PEBP4: variants seen among roughly 807,000 people sequenced by gnomAD.
The protein encoded by PEBP4 is phosphatidylethanolamine binding protein 4.
In PEBP4, 22 loss-of-function variants were observed where a neutral mutation model predicts 23.9. The observed-to-expected ratio is 0.92, with a 90% CI of 0.66 to 1.31. PEBP4 has a LOEUF of 1.31. PEBP4 is among the 40% of genes most tolerant of loss of function. The pLI, the probability that PEBP4 is intolerant of heterozygous loss-of-function variation, is 0.00. For missense variants in PEBP4, 324 were observed against 281.7 expected (o/e 1.15, Z -1.07); for synonymous variants, 112 against 99.3 (o/e 1.13, Z -0.76).
chr8:22,881,885 A>G (rs183247298), intron 3 of PEBP4, among the ~76,000 whole-genome samples: 157 of 152,354 alleles, frequency 1.0e-3, no homozygotes, highest in South Asian at 3.3e-3. Flanking sequence ...CAGCAGTAAA[A>G]TGGTGCTGAG....
At chr8:22,881,918 T>C (rs1011460018) in intron 3 of PEBP4, among the ~76,000 whole-genome samples, 2 of 152,216 alleles carry the variant, frequency 1.3e-5, no homozygotes, top group Admixed American at 6.5e-5. Context: ...GTCCTCAGGC[T>C]GTTGTAAGAA....
At chr8:22,794,457 G>A (rs896924898) in intron 4 of PEBP4, among the ~76,000 whole-genome samples, 2 of 152,110 alleles carry the variant, frequency 1.3e-5, no homozygotes, top group Non-Finnish European at 2.9e-5. Flanking sequence ...GCTAATTTTT[G>A]TATTTTTAGT....
chr8:22,925,693 T>G (rs531568235), intron 2 of PEBP4, among the ~76,000 whole-genome samples: 45 of 152,272 alleles, frequency 3.0e-4, no homozygotes, highest in African/African-American at 1.0e-3. Context: ...CCAATGACCC[T>G]ACAGACATCC....
At chr8:22,875,966 G>A (rs1007937796) in intron 3 of PEBP4, among the ~76,000 whole-genome samples, 2 of 152,220 alleles carry the variant, frequency 1.3e-5, no homozygotes, top group Admixed American at 1.3e-4. Context: ...CTGAAGTGCA[G>A]TAGTGTGATC....
chr8:22,800,985 A>G (rs1392570063), intron 4 of PEBP4, among the ~76,000 whole-genome samples: 2 of 151,574 alleles, frequency 1.3e-5, no homozygotes, highest in Non-Finnish European at 2.9e-5. Flanking sequence ...GGCCCCACCC[A>G]ACTCTGCCAC....
In PEBP4 at chr8:22,713,383, A is replaced by G. The variant is rs1435757793; in HGVS notation, c.671T>C (p.Ile224Thr). Residue 224 changes from isoleucine to threonine, a missense_variant, in exon 7 of 7, where the codon ATA becomes ACA. Transcript: ENST00000256404. The stretch of plus-strand genomic sequence containing the variant: ...AAAGCCGGCTATCTAGCAGGCAGCT[A>G]TCTCCGCCTGGTTTTTGTGCTTGGG... ...SEPKHKNQAEIAAC is the reference protein window; with the variant it reads ...SEPKHKNQAETAAC 6.3e-7 allele frequency: 1 copy of G among 1,585,420 alleles called. No individual in the cohort carries two copies. Among genetic ancestry groups the G allele is most frequent in the East Asian group, 2.3e-5 (1 of 44,256 alleles).
intron 4 of PEBP4, among the ~76,000 whole-genome samples, chr8:22,812,418 T>C (rs73553871): frequency 0.053 from 8,136 of 152,272 alleles, 649 homozygotes; most frequent in African/African-American, 0.17. Flanking sequence ...CACATACAAG[T>C]CTGGTTAATA....
chr8:22,905,643 T>C (rs2457420), intron 3 of PEBP4, among the ~76,000 whole-genome samples: 147,138 of 152,270 alleles, frequency 0.97, 71,307 homozygotes, highest in East Asian at 1. Flanking sequence ...GACTGACCTT[T>C]ACTTCTCTAG....
chr8:22,836,781 C>T (rs1421227669), intron 3 of PEBP4, among the ~76,000 whole-genome samples: 1 of 152,124 alleles, frequency 6.6e-6, no homozygotes, highest in South Asian at 2.1e-4. Flanking sequence ...AAAGCTTCAT[C>T]CGCAGCCAAG....
chr8:22,885,643 C>G (rs1206580099), intron 3 of PEBP4: 3 of 152,268 alleles, frequency 2.0e-5, no homozygotes, highest in Non-Finnish European at 4.4e-5. Flanking sequence ...ACACAAGAGA[C>G]AGTCTGTGGA....
intron 3 of PEBP4, among the ~76,000 whole-genome samples, chr8:22,919,858 C>T (rs1563261622): frequency 6.6e-6 from 1 of 152,220 alleles, no homozygotes; most frequent in African/African-American, 2.4e-5. Context: ...CTCCAAAGCA[C>T]ACACCAGCTG....
chr8:22,870,567 CTAATG>C (rs928539523), intron 3 of PEBP4, among the ~76,000 whole-genome samples: 15 of 152,178 alleles, frequency 9.9e-5, no homozygotes, highest in African/African-American at 3.6e-4. Flanking sequence ...AGAGCGTAAC[CTAATG>C]TAAAGTATGG....
chr8:22,775,117 T>A lies in PEBP4; in HGVS notation c.357+42520A>T, dbSNP rs1805789497. Among the ~76,000 whole-genome samples, 1 of 152,208 alleles carries A rather than the reference T, an allele frequency of 6.6e-6. No individual in the cohort carries two copies. Among genetic ancestry groups the A allele is most frequent in the South Asian group, 2.1e-4 (1 of 4,830 alleles). On this transcript the variant is annotated intron_variant, in intron 4 of 6. Transcript: ENST00000256404. This position sits in a 1 kb window ranked among gnomAD's most constrained non-coding sequence, Gnocchi z 4.8. ...TTTTCCGTTGCCTCTCTGGCATCAG[T>A]TTCCCCACCTGTACCATAAGAGACG... is the stretch of plus-strand genomic sequence containing the variant.
At chr8:22,898,210 G>A (rs2128776152) in intron 3 of PEBP4, among the ~76,000 whole-genome samples, 1 of 151,792 alleles carries the variant, frequency 6.6e-6, no homozygotes, top group African/African-American at 2.4e-5. Flanking sequence ...TGGCCAATAT[G>A]GTGAAACCCT....
intron 4 of PEBP4, among the ~76,000 whole-genome samples, chr8:22,770,772 G>A (rs1047418632): frequency 6.6e-6 from 1 of 152,206 alleles, no homozygotes; most frequent in African/African-American, 2.4e-5. Flanking sequence ...CACATTAGCA[G>A]TTCAGGCTGT....
chr8:22,770,350 T>C (rs1805692833), intron 4 of PEBP4, among the ~76,000 whole-genome samples: 1 of 152,158 alleles, frequency 6.6e-6, no homozygotes. Context: ...CAGTCCCCCT[T>C]CCAAAGCACC....
intron 3 of PEBP4, among the ~76,000 whole-genome samples, chr8:22,900,113 G>A (rs1808682240): frequency 6.6e-6 from 1 of 152,142 alleles, no homozygotes; most frequent in Non-Finnish European, 1.5e-5. Context: ...CAAGCCCACA[G>A]GACTACCATG....
At chr8:22,798,014 G>C (rs758363196) in intron 4 of PEBP4, among the ~76,000 whole-genome samples, 1 of 152,142 alleles carries the variant, frequency 6.6e-6, no homozygotes, top group Non-Finnish European at 1.5e-5. Flanking sequence ...ACAAGGCAGC[G>C]TGGAATCAGG....
rs529530979 is a variant in PEBP4 at position 22,905,708 on chromosome 8, G to A, written c.258+14476C>T. ...GGTCAGAGGCGGTGGCCAAGGAGACGCAGGACCTGACCTGCCTGCTGCTCC... is the reference window on the plus strand; with the variant it reads ...GGTCAGAGGCGGTGGCCAAGGAGACACAGGACCTGACCTGCCTGCTGCTCC... On this transcript the variant is annotated intron_variant, in intron 3 of 6. Transcript: ENST00000256404. Among the ~76,000 whole-genome samples the A allele has an allele frequency of 1.2e-4, 18 of 152,306 alleles. No individual in the cohort carries two copies. The East Asian group carries it at 2.3e-3, about 20-fold the overall frequency.
Sources: allele counts gnomAD v4.1 joint callset (sites outside exome capture counted in the v4.1 genomes callset), GRCh38; gene constraint gnomAD v4.1.1; non-coding constraint Gnocchi (gnomAD v3.1); transcripts MANE v1.5; gene names NCBI Gene and HGNC (gene_info 2026-07-23, HGNC 2026-07-21).